The following CSMD1 variants were observed in gnomAD, a reference collection of about 807,000 sequenced individuals.
CSMD1 encodes the protein CUB and Sushi multiple domains 1, also known as CUB and sushi domain-containing protein 1.
A neutral mutation model predicts 417.5 loss-of-function variants in CSMD1; 213 were observed. The observed-to-expected ratio is 0.51, with a 90% confidence interval of 0.46 to 0.57. The LOEUF (loss-of-function observed/expected upper bound fraction) is 0.57, where lower values mean the gene tolerates loss of function less well. CSMD1 is among the 20% of genes least tolerant of loss of function. The pLI is 0.00. For missense variants in CSMD1, 6,923 were observed against 4,529.7 expected (o/e 1.53, Z -15.17); for synonymous variants, 2,862 against 1,736.8 (o/e 1.65, Z -16.11).
chr8:3,644,245 A>G (rs1301083018), intron 7 of CSMD1, among the ~76,000 whole-genome samples: 1 of 152,200 alleles, frequency 6.6e-6, no homozygotes, highest in Non-Finnish European at 1.5e-5. Context: ...TTGAGGTGAC[A>G]CTAACAGTTG....
At chr8:4,109,013 C>A (rs189210486) in intron 3 of CSMD1, among the ~76,000 whole-genome samples, 2 of 152,270 alleles carry the variant, frequency 1.3e-5, no homozygotes, top group African/African-American at 4.8e-5. Flanking sequence ...TTCAGGACCT[C>A]CATGGATACA....
In CSMD1 at chr8:4,769,952, T is replaced by C. The variant is rs2117140024; in HGVS notation, c.86-132394A>G. On this transcript the variant is annotated intron_variant, in intron 1 of 69. Coordinates refer to ENST00000635120, the MANE Select transcript of CSMD1 (RefSeq NM_033225.6). ...TAAAAATAAGAACAATAACAAGTTA[T>C]TTACTCTCAAAAGCAAAAGCTGGAC... Among the ~76,000 whole-genome samples the C allele has an allele frequency of 2.0e-5, 3 of 152,244 alleles. No individual in the cohort carries two copies. The South Asian group carries it at 6.2e-4, about 32-fold the overall frequency.
At chr8:4,153,882 A>C (rs59234696) in intron 3 of CSMD1, among the ~76,000 whole-genome samples, 42,073 of 152,098 alleles carry the variant, frequency 0.28, 6,343 homozygotes, top group African/African-American at 0.4. Flanking sequence ...CATGGCAGCA[A>C]ACTAACATCT....
chr8:4,147,402 T>G (rs1280132651), intron 3 of CSMD1, among the ~76,000 whole-genome samples: 1 of 152,022 alleles, frequency 6.6e-6, no homozygotes, highest in African/African-American at 2.4e-5. Flanking sequence ...CTTCCCCACA[T>G]GCTGCCCTGT....
chr8:2,970,458 T>A (rs1378074539), intron 57 of CSMD1, among the ~76,000 whole-genome samples: 2 of 152,230 alleles, frequency 1.3e-5, no homozygotes, highest in African/African-American at 4.8e-5. Context: ...GCTCAATTAT[T>A]GCATTTAATA....
intron 3 of CSMD1, among the ~76,000 whole-genome samples, chr8:4,372,237 A>C (rs563981049): frequency 2.0e-5 from 3 of 152,210 alleles, no homozygotes; most frequent in African/African-American, 7.2e-5. Flanking sequence ...GTAAAACTTT[A>C]TATGAAGTAA....
intron 12 of CSMD1, among the ~76,000 whole-genome samples, chr8:3,456,030 C>A (rs62505643): frequency 0.088 from 13,413 of 152,216 alleles, 646 homozygotes; most frequent in Middle Eastern, 0.12. Context: ...CTCCCCCAGC[C>A]TCGCCGCCGC....
intron 40 of CSMD1, among the ~76,000 whole-genome samples, chr8:3,146,620 C>G (rs1371369416): frequency 6.6e-6 from 1 of 152,162 alleles, no homozygotes; most frequent in Non-Finnish European, 1.5e-5. Flanking sequence ...CCAACTGCCT[C>G]AGTTCTTTTG....
At chr8:3,591,772 G>C (rs78273621) in intron 8 of CSMD1, among the ~76,000 whole-genome samples, 2,973 of 150,164 alleles carry the variant, frequency 0.02, 98 homozygotes, top group African/African-American at 0.066. Flanking sequence ...TAGACAAAGA[G>C]ATGGATGGAT....
At chr8:3,748,349 T>A (rs1035804793) in intron 6 of CSMD1, among the ~76,000 whole-genome samples, 9 of 152,202 alleles carry the variant, frequency 5.9e-5, no homozygotes, top group Non-Finnish European at 1.3e-4. Context: ...CATGCATCCA[T>A]ACCTACCTAA....
chr8:4,436,153 TGA>T (rs1798137990), intron 2 of CSMD1, among the ~76,000 whole-genome samples: 1 of 152,160 alleles, frequency 6.6e-6, no homozygotes, highest in Admixed American at 6.6e-5. Context: ...TCATAGATAT[TGA>T]GAGAGTTAGA....
intron 5 of CSMD1, among the ~76,000 whole-genome samples, chr8:3,754,879 G>C (rs1419802036): frequency 1.3e-5 from 2 of 152,168 alleles, no homozygotes; most frequent in East Asian, 1.9e-4. Flanking sequence ...TCCTACCAAA[G>C]TAAAGAAGAG....
chr8:3,713,280 C>G (rs1801632146), intron 6 of CSMD1, among the ~76,000 whole-genome samples: 2 of 152,186 alleles, frequency 1.3e-5, no homozygotes, highest in African/African-American at 4.8e-5. Flanking sequence ...TAGGTTAAAA[C>G]TCACTTTCTG....
intron 9 of CSMD1, among the ~76,000 whole-genome samples, chr8:3,582,513 C>A (rs995732389): frequency 1.6e-4 from 25 of 152,130 alleles, no homozygotes; most frequent in African/African-American, 5.8e-4. Context: ...TTCACAACTA[C>A]AAGGGTGTTG....
intron 1 of CSMD1, among the ~76,000 whole-genome samples, chr8:4,982,803 G>A (rs560246769): frequency 1.3e-5 from 2 of 152,198 alleles, no homozygotes; most frequent in Non-Finnish European, 2.9e-5. Context: ...TTCCGTAGAC[G>A]CCTCAGCTTT....
chr8:3,993,463 A>G (rs1243909402), intron 5 of CSMD1, among the ~76,000 whole-genome samples: 3 of 152,190 alleles, frequency 2.0e-5, no homozygotes, highest in Admixed American at 6.5e-5. Context: ...TTTGAAATTC[A>G]CTCAGCTTTC....
intron 7 of CSMD1, among the ~76,000 whole-genome samples, chr8:3,633,436 G>C (rs555564225): frequency 1.3e-5 from 2 of 152,152 alleles, no homozygotes; most frequent in Non-Finnish European, 2.9e-5. Context: ...CTCCCGGCAG[G>C]ATAATGCAAA....
chr8:3,595,308 G>A (rs538804371), intron 8 of CSMD1, among the ~76,000 whole-genome samples: 3 of 152,254 alleles, frequency 2.0e-5, no homozygotes, highest in South Asian at 2.1e-4. Context: ...TGCCATCATC[G>A]GAGAGATGAA....
At chr8:4,627,099 A>C (rs76044980) in intron 2 of CSMD1, among the ~76,000 whole-genome samples, 1,814 of 152,264 alleles carry the variant, frequency 0.012, 46 homozygotes, top group African/African-American at 0.04. Flanking sequence ...ATTCCCTTTG[A>C]ACTTATTCAG....
Sources: gnomAD v4.1 joint callset for allele counts (sites outside exome capture counted in the v4.1 genomes callset) on GRCh38, gnomAD v4.1.1 for gene constraint, MANE v1.5 for transcripts, NCBI Gene and HGNC (gene_info 2026-07-23, HGNC 2026-07-21) for gene names.